NRG3: variants seen among roughly 807,000 people sequenced by gnomAD.
NRG3 encodes pro-neuregulin-3, membrane-bound isoform.
NRG3 carries 31 observed loss-of-function variants against 66.9 expected under a neutral mutation model. The observed-to-expected ratio is 0.46, with a 90% CI of 0.35 to 0.63. The LOEUF (loss-of-function observed/expected upper bound fraction) is 0.63, where lower values mean the gene tolerates loss of function less well. Among genes scored for constraint, NRG3 ranks in the 20% least tolerant of loss-of-function variants. NRG3 has a pLI of 0.00. For missense variants in NRG3, 910 were observed against 878.9 expected (o/e 1.04, Z -0.45); for synonymous variants, 393 against 359.4 (o/e 1.09, Z -1.06).
chr10:82,456,003 T>A (rs1371576258), intron 2 of NRG3, among the ~76,000 whole-genome samples: 1 of 152,204 alleles, frequency 6.6e-6, no homozygotes, highest in Non-Finnish European at 1.5e-5. Flanking sequence ...ATTTAAACTT[T>A]TAAATTGTTT....
chr10:81,880,228 G>A (rs893927118), intron 1 of NRG3, among the ~76,000 whole-genome samples: 13 of 152,090 alleles, frequency 8.5e-5, no homozygotes, highest in Non-Finnish European at 4.4e-5. Flanking sequence ...GCCCTTTTTA[G>A]TTTGGACTCG....
intron 1 of NRG3, among the ~76,000 whole-genome samples, chr10:82,198,424 T>C (rs1163767913): frequency 6.6e-6 from 1 of 152,182 alleles, no homozygotes; most frequent in African/African-American, 2.4e-5. Context: ...GGAAAGAAGA[T>C]AAATTCTTTA....
At chr10:82,534,881 G>A (rs1028617006) in intron 2 of NRG3, among the ~76,000 whole-genome samples, 1 of 151,526 alleles carries the variant, frequency 6.6e-6, no homozygotes, top group Non-Finnish European at 1.5e-5. Flanking sequence ...TATACATTGA[G>A]GCCAGGCACA....
At chr10:82,795,393 G>A (rs532689029) in intron 3 of NRG3, among the ~76,000 whole-genome samples, 1 of 152,200 alleles carries the variant, frequency 6.6e-6, no homozygotes, top group South Asian at 2.1e-4. Flanking sequence ...ATTTTAAAAA[G>A]CTTTATTCAT....
Position 82,394,198 on chromosome 10 carries a change from C to A in NRG3, c.953+35330C>A, listed in dbSNP as rs1278894893. Among the ~76,000 whole-genome samples, 3 of 152,152 alleles carry A rather than the reference C, an allele frequency of 2.0e-5. 1 individual carries two copies. Among genetic ancestry groups the A allele is most frequent in the Admixed American group, 6.5e-5 (1 of 15,274 alleles). ...CTTTGGGTTGAGCGTGAGGGGGCTT[C>A]TTCTTCCTCTCTCATGTCACACTCT... is the stretch of plus-strand genomic sequence containing the variant. On this transcript the variant is annotated intron_variant, in intron 2 of 8. Transcript: ENST00000372141.
At chr10:82,048,262 A>G (rs992234134) in intron 1 of NRG3, among the ~76,000 whole-genome samples, 1 of 152,096 alleles carries the variant, frequency 6.6e-6, no homozygotes, top group Non-Finnish European at 1.5e-5. Context: ...ATAGACATCT[A>G]CAGAACTCTC....
intron 3 of NRG3, among the ~76,000 whole-genome samples, chr10:82,848,697 C>T (rs146471405): frequency 7.8e-4 from 119 of 152,196 alleles, no homozygotes; most frequent in African/African-American, 2.7e-3. Context: ...TCATCTTGAA[C>T]CGTAGTTCCC....
At chr10:82,449,288 C>A (rs1345423253) in intron 2 of NRG3, among the ~76,000 whole-genome samples, 1 of 152,174 alleles carries the variant, frequency 6.6e-6, no homozygotes, top group Non-Finnish European at 1.5e-5. Context: ...GGAAGAATGT[C>A]TAGTGGACAT....
At chr10:82,704,749 A>C (rs1385852054) in intron 2 of NRG3, among the ~76,000 whole-genome samples, 1 of 152,166 alleles carries the variant, frequency 6.6e-6, no homozygotes, top group Non-Finnish European at 1.5e-5. Context: ...AATTTTGCAA[A>C]TATTACCTCA....
At chr10:82,665,338 T>G (rs59180457) in intron 2 of NRG3, among the ~76,000 whole-genome samples, 3,740 of 152,312 alleles carry the variant, frequency 0.025, 146 homozygotes, top group African/African-American at 0.085. Context: ...AGCCTGCTTA[T>G]TATCATCAAC....
Position 82,543,084 on chromosome 10 carries a change from G to C in NRG3, c.953+184216G>C, listed in dbSNP as rs1371866474. 4.6e-5 allele frequency among the ~76,000 whole-genome samples: 7 copies of C among 152,106 alleles called. No individual in the cohort carries two copies. In the South Asian group the frequency reaches 6.2e-4, roughly 14 times the overall value. On this transcript the variant is annotated intron_variant, in intron 2 of 8. Coordinates refer to ENST00000372141, the MANE Select transcript of NRG3 (RefSeq NM_001010848.4). ...TTTTTGTATTTTTAGTAGAGACAGG[G>C]TTTCACCATGTTGGCCAGGCTGGTC... is the stretch of plus-strand genomic sequence containing the variant.
chr10:82,953,143 C>T (rs1009426877), intron 5 of NRG3, among the ~76,000 whole-genome samples: 3 of 151,978 alleles, frequency 2.0e-5, no homozygotes, highest in African/African-American at 7.3e-5. Flanking sequence ...TCCTAGGCAA[C>T]TCTTGGCTGT....
At position 82,626,121 on chromosome 10, in the gene NRG3, C is replaced by T. The variant is rs146428657; in HGVS notation, c.954-112456C>T. Among the ~76,000 whole-genome samples, 1,383 of 152,216 alleles carry T rather than the reference C, an allele frequency of 9.1e-3. 22 individuals are homozygous for T. The highest frequency in any genetic ancestry group is 0.03 in the African/African-American group (1,262 of 41,550). On this transcript the variant is annotated intron_variant, in intron 2 of 8. Coordinates refer to ENST00000372141, the MANE Select transcript of NRG3 (RefSeq NM_001010848.4). ...TTACACTCAGGGACCCTCATCATTA[C>T]CCATTCACTCAGCCTCACAATCCAT... is the stretch of plus-strand genomic sequence containing the variant.
chr10:82,492,970 T>A (rs1843284148), intron 2 of NRG3, among the ~76,000 whole-genome samples: 2 of 152,168 alleles, frequency 1.3e-5, no homozygotes, highest in African/African-American at 4.8e-5. Context: ...AGTAACTTCT[T>A]TCTTACTAAT....
chr10:82,163,626 T>G (rs1437700204), intron 1 of NRG3, among the ~76,000 whole-genome samples: 1 of 151,630 alleles, frequency 6.6e-6, no homozygotes, highest in Non-Finnish European at 1.5e-5. Flanking sequence ...GGCAAGAGAG[T>G]TCTGGTTTAG....
intron 1 of NRG3, among the ~76,000 whole-genome samples, chr10:81,968,110 G>A (rs2059798954): frequency 1.3e-5 from 2 of 152,164 alleles, no homozygotes; most frequent in East Asian, 1.9e-4. Flanking sequence ...GGAAAGAGGG[G>A]CCCCTGCTCT....
At chr10:82,822,102 AG>A (rs2135579590) in intron 3 of NRG3, among the ~76,000 whole-genome samples, 1 of 152,250 alleles carries the variant, frequency 6.6e-6, no homozygotes, top group Admixed American at 6.5e-5. Flanking sequence ...TTCCCTGAAA[AG>A]CAACAGAACT....
chr10:81,915,505 T>TTGTTTTTTTTGTTTTTTTC (rs1845613946), intron 1 of NRG3, among the ~76,000 whole-genome samples: 1 of 151,376 alleles, frequency 6.6e-6, no homozygotes, highest in African/African-American at 2.4e-5. Flanking sequence ...AGTTTTTTTT[T>TTGTTTTTTTTGTTTTTTTC]TTTTTGCCAA....
At chr10:82,800,133 C>A (rs920915117) in intron 3 of NRG3, among the ~76,000 whole-genome samples, 1 of 152,142 alleles carries the variant, frequency 6.6e-6, no homozygotes, top group Non-Finnish European at 1.5e-5. Flanking sequence ...TCTTATTTCT[C>A]GGTTTTCTGT....
Sources: allele counts gnomAD v4.1 joint callset (sites outside exome capture counted in the v4.1 genomes callset), GRCh38; gene constraint gnomAD v4.1.1; transcripts MANE v1.5; gene names NCBI Gene and HGNC (gene_info 2026-07-23, HGNC 2026-07-21).